Variants in KCNH7 observed in about 807,000 individuals in gnomAD.
KCNH7 encodes the protein potassium voltage-gated channel subfamily H member 7, also known as voltage-gated inwardly rectifying potassium channel KCNH7.
Under a neutral mutation model 120.8 loss-of-function variants are expected in KCNH7, and 49 were observed. The observed-to-expected ratio is 0.41, with a 90% CI of 0.32 to 0.51. KCNH7 has a LOEUF of 0.51. Among genes scored for constraint, KCNH7 ranks in the 20% least tolerant of loss-of-function variants. The pLI is 0.38. For missense variants in KCNH7, 1,097 were observed against 1,446.6 expected (o/e 0.76, Z 3.92); for synonymous variants, 547 against 516.1 (o/e 1.06, Z -0.81).
chr2:162,602,977 A>G (rs1420164181), intron 2 of KCNH7, among the ~76,000 whole-genome samples: 1 of 150,578 alleles, frequency 6.6e-6, no homozygotes, highest in African/African-American at 2.4e-5. Context: ...ATGTTTCTGC[A>G]GAATAACATT....
At chr2:162,385,544 A>T (rs926060688) in intron 12 of KCNH7, among the ~76,000 whole-genome samples, 21 of 151,944 alleles carry the variant, frequency 1.4e-4, no homozygotes, top group Admixed American at 1.4e-3. Context: ...ACCTAATTAC[A>T]TTAAAGCTGG....
At chr2:162,584,899 A>G (rs1277029907) in intron 2 of KCNH7, among the ~76,000 whole-genome samples, 1 of 136,418 alleles carries the variant, frequency 7.3e-6, no homozygotes, top group African/African-American at 2.8e-5. Context: ...TTCAATCCCC[A>G]GCTTTTTTTT....
At chr2:162,825,957 T>C (rs570940239) in intron 2 of KCNH7, among the ~76,000 whole-genome samples, 12 of 152,144 alleles carry the variant, frequency 7.9e-5, no homozygotes, top group Admixed American at 6.6e-5. Flanking sequence ...ATGGTTTTTT[T>C]TCTATTTTCT....
chr2:162,480,192 A>G (rs1689885880), intron 6 of KCNH7, among the ~76,000 whole-genome samples: 1 of 152,070 alleles, frequency 6.6e-6, no homozygotes, highest in African/African-American at 2.4e-5. Context: ...TTTTAAATAG[A>G]CACTTGCGGT....
intron 6 of KCNH7, among the ~76,000 whole-genome samples, chr2:162,471,472 A>T (rs1034779953): frequency 2.6e-5 from 4 of 152,022 alleles, no homozygotes; most frequent in African/African-American, 9.7e-5. Flanking sequence ...AGCCTTGGAG[A>T]TGGTGTGGGT....
At chr2:162,513,913 A>T (rs1403615921) in intron 4 of KCNH7, among the ~76,000 whole-genome samples, 2 of 151,766 alleles carry the variant, frequency 1.3e-5, no homozygotes, top group South Asian at 4.1e-4. Flanking sequence ...TTAAAATCTA[A>T]GTTAAATATT....
chr2:162,555,364 C>T (rs974985992), intron 2 of KCNH7, among the ~76,000 whole-genome samples: 13 of 152,094 alleles, frequency 8.5e-5, no homozygotes, highest in East Asian at 1.9e-4. Context: ...TCTAGTTGTG[C>T]GAAATTTACC....
At chr2:162,629,301 C>G (rs1461744250) in intron 2 of KCNH7, among the ~76,000 whole-genome samples, 3 of 152,080 alleles carry the variant, frequency 2.0e-5, no homozygotes, top group African/African-American at 7.2e-5. Flanking sequence ...CAGCAGCTTC[C>G]TTTCCTGGCC....
At chr2:162,836,477 T>G in intron 2 of KCNH7, 60 bp downstream of exon 2, 1 of 1,332,868 alleles carries the variant, frequency 7.5e-7, no homozygotes, top group Non-Finnish European at 1.1e-6. Context: ...GAACTTTTAA[T>G]AGTCAAAATT....
chr2:162,748,018 A>G (rs1330583917), intron 2 of KCNH7, among the ~76,000 whole-genome samples: 3 of 152,178 alleles, frequency 2.0e-5, no homozygotes, highest in African/African-American at 7.2e-5. Flanking sequence ...CCTGAGAGCC[A>G]AAGCTAATGG....
chr2:162,627,750 A>G (rs1683609428), intron 2 of KCNH7, among the ~76,000 whole-genome samples: 3 of 152,180 alleles, frequency 2.0e-5, no homozygotes, highest in Admixed American at 2.0e-4. Context: ...GATTGCCAGG[A>G]CAGACTTGCC....
intron 2 of KCNH7, among the ~76,000 whole-genome samples, chr2:162,811,932 C>T (rs1224039366): frequency 6.6e-6 from 1 of 152,034 alleles, no homozygotes; most frequent in Non-Finnish European, 1.5e-5. Flanking sequence ...CTCTTCAAAC[C>T]ATAGGGTCAT....
chr2:162,540,700 C>A (rs963791155), intron 2 of KCNH7, among the ~76,000 whole-genome samples: 14 of 151,896 alleles, frequency 9.2e-5, no homozygotes, highest in African/African-American at 3.4e-4. Flanking sequence ...GGGAAGAAGG[C>A]CAAAGAATGG....
rs538815182 is a variant in KCNH7, at chr2:162,533,571, G to A, written c.463+3354C>T. On this transcript the variant is annotated intron_variant, in intron 3 of 15. Transcript: ENST00000332142. Reference sequence around the variant, plus strand: ...AGGGGGAAAATTAGTAAACAAAAATGAGATACTTTGTAATGCTAAATGCTA... The same window carrying A: ...AGGGGGAAAATTAGTAAACAAAAATAAGATACTTTGTAATGCTAAATGCTA... Among the ~76,000 whole-genome samples the A allele has an allele frequency of 5.9e-5, 9 of 151,748 alleles. No individual in the cohort carries two copies. The East Asian group carries it at 1.8e-3, about 30-fold the overall frequency.
intron 13 of KCNH7, 29 bp from the exon 14 acceptor site, chr2:162,380,050 C>T: frequency 6.2e-7 from 1 of 1,611,362 alleles, no homozygotes; most frequent in Non-Finnish European, 8.5e-7. Flanking sequence ...TGGATGTCAA[C>T]ACTCTTAGGT....
chr2:162,572,003 A>G (rs943123233), intron 2 of KCNH7, among the ~76,000 whole-genome samples: 1 of 151,592 alleles, frequency 6.6e-6, no homozygotes, highest in African/African-American at 2.4e-5. Flanking sequence ...CTTCATGTCT[A>G]AAACACCAAA....
chr2:162,832,193 G>A (rs970287702), intron 2 of KCNH7, among the ~76,000 whole-genome samples: 2 of 152,088 alleles, frequency 1.3e-5, no homozygotes, highest in East Asian at 1.9e-4. Flanking sequence ...GGCAAGATAC[G>A]CTCTGAAAAT....
At chr2:162,399,099 T>A (rs1487629188) in intron 10 of KCNH7, among the ~76,000 whole-genome samples, 5 of 151,580 alleles carry the variant, frequency 3.3e-5, no homozygotes, top group Admixed American at 3.3e-4. Context: ...TGAGAGAAAA[T>A]CATTGAATTA....
At chr2:162,475,787 C>A (rs751877738) in intron 6 of KCNH7, among the ~76,000 whole-genome samples, 2 of 152,180 alleles carry the variant, frequency 1.3e-5, no homozygotes, top group Non-Finnish European at 2.9e-5. Flanking sequence ...GAGTCATGGG[C>A]TGTGTGCATA....
Sources: allele counts gnomAD v4.1 joint callset (sites outside exome capture counted in the v4.1 genomes callset), GRCh38; gene constraint gnomAD v4.1.1; transcripts MANE v1.5; gene names NCBI Gene and HGNC (gene_info 2026-07-23, HGNC 2026-07-21).